Variants in GJB7 observed in about 807,000 individuals in gnomAD.
The protein encoded by GJB7 is gap junction protein beta 7.
For synonymous variants in GJB7, 87 were observed against 95.2 expected (o/e 0.91, Z 0.50); for missense variants, 253 against 256.8 (o/e 0.99, Z 0.10).
rs1776389805 is a variant in GJB7, at chr6:87,304,530, T to A, written c.-28+18336A>T. Among the ~76,000 whole-genome samples the A allele has an allele frequency of 2.6e-5, 4 of 152,176 alleles. No homozygotes were observed. In the South Asian group the frequency reaches 8.3e-4, roughly 31 times the overall value. ...ACAGGCTCTGAAATTGAGGCAATAA[T>A]TAATAGACTACCAACCAAAAAAAGT... On this transcript the variant is annotated intron_variant, in intron 2 of 2. Transcript: ENST00000525899.
intron 2 of GJB7, among the ~76,000 whole-genome samples, chr6:87,317,197 A>G (rs1244746251): frequency 8.7e-6 from 1 of 115,358 alleles, no homozygotes; most frequent in Non-Finnish European, 1.8e-5. Flanking sequence ...TCTACTAAAA[A>G]TACAAAAAAA....
intron 2 of GJB7, among the ~76,000 whole-genome samples, chr6:87,298,282 A>G (rs952762523): frequency 3.9e-5 from 6 of 152,276 alleles, no homozygotes; most frequent in African/African-American, 1.4e-4. Flanking sequence ...AAGCCAACCC[A>G]ACATTCACCT....
chr6:87,321,710 G>C (rs184467314), intron 2 of GJB7, among the ~76,000 whole-genome samples: 3 of 152,228 alleles, frequency 2.0e-5, no homozygotes, highest in African/African-American at 7.2e-5. Context: ...CTGAGGCTGG[G>C]TAACTTATAA....
At chr6:87,288,544 A>G (rs1006039345) in intron 2 of GJB7, among the ~76,000 whole-genome samples, 3 of 152,146 alleles carry the variant, frequency 2.0e-5, no homozygotes, top group Admixed American at 6.5e-5. Context: ...CCTTCTTATC[A>G]TCTCCAATAG....
intron 2 of GJB7, among the ~76,000 whole-genome samples, chr6:87,287,924 A>C (rs1387906431): frequency 1.3e-5 from 2 of 152,062 alleles, no homozygotes; most frequent in African/African-American, 2.4e-5. Flanking sequence ...TTTTTTTCAG[A>C]TGGAGTGTTG....
At chr6:87,293,116 C>G (rs1290788861) in intron 2 of GJB7, among the ~76,000 whole-genome samples, 1 of 152,238 alleles carries the variant, frequency 6.6e-6, no homozygotes, top group Non-Finnish European at 1.5e-5. Context: ...ACTGCAACCT[C>G]CCCTTCGCGG....
intron 2 of GJB7, among the ~76,000 whole-genome samples, chr6:87,308,595 C>A (rs242263): frequency 0.51 from 77,730 of 151,738 alleles, 20,500 homozygotes; most frequent in Non-Finnish European, 0.58. Flanking sequence ...AATATAAATC[C>A]TCAGAGTCCA....
chr6:87,300,694 T>C (rs1338599110), intron 2 of GJB7, among the ~76,000 whole-genome samples: 1 of 152,260 alleles, frequency 6.6e-6, no homozygotes, highest in Non-Finnish European at 1.5e-5. Context: ...TTCCTGATAT[T>C]GGGTGCAACC....
intron 1 of GJB7, among the ~76,000 whole-genome samples, chr6:87,328,697 G>C (rs1315514036): frequency 6.6e-6 from 1 of 152,216 alleles, no homozygotes. Flanking sequence ...GGATACTGCT[G>C]TCTTTTTGTT....
At chr6:87,326,757 G>A (rs1485397198) in intron 1 of GJB7, among the ~76,000 whole-genome samples, 1 of 120,652 alleles carries the variant, frequency 8.3e-6, no homozygotes, top group East Asian at 2.2e-4. Context: ...ATTTGGGGTG[G>A]AGAGTTCTGT....
chr6:87,328,826 C>T (rs1340847483), intron 1 of GJB7, among the ~76,000 whole-genome samples: 1 of 152,240 alleles, frequency 6.6e-6, no homozygotes, highest in Non-Finnish European at 1.5e-5. Context: ...CAAGCCTGGG[C>T]AATGGCGGGC....
intron 2 of GJB7, chr6:87,322,451 C>T (rs1776682709): frequency 6.6e-6 from 1 of 152,294 alleles, no homozygotes; most frequent in Admixed American, 6.5e-5. Flanking sequence ...GCGAGGTCCT[C>T]AGAACCGGAA....
At chr6:87,309,551 A>G (rs948718567) in intron 2 of GJB7, among the ~76,000 whole-genome samples, 4 of 152,326 alleles carry the variant, frequency 2.6e-5, no homozygotes, top group East Asian at 1.9e-4. Flanking sequence ...GTGAGCAGGT[A>G]TATGCAACCT....
intron 1 of GJB7, among the ~76,000 whole-genome samples, chr6:87,325,476 AG>A (rs1776794001): frequency 3.8e-5 from 4 of 106,568 alleles, no homozygotes; most frequent in African/African-American, 1.2e-4. Context: ...TTTAGCATGA[AG>A]GGTTATTGAA....
chr6:87,306,840 C>T (rs1418160878), intron 2 of GJB7, among the ~76,000 whole-genome samples: 1 of 152,138 alleles, frequency 6.6e-6, no homozygotes, highest in Admixed American at 6.5e-5. Context: ...GAATATTATG[C>T]AGCCATAAAA....
At chr6:87,308,868 A>G (rs1298136640) in intron 2 of GJB7, among the ~76,000 whole-genome samples, 5 of 152,224 alleles carry the variant, frequency 3.3e-5, no homozygotes, top group Admixed American at 2.0e-4. Context: ...TTCCAGAAAA[A>G]CAATGTAATG....
Position 87,284,599 on chromosome 6 carries a change from T to C in GJB7, c.314A>G (p.His105Arg). Reference sequence around the variant, plus strand: ...TGGGCTGACATAGAGTTTCTTTCTGTGCCTTTTCTCTCTACCCTCATGATA... The same window carrying C: ...TGGGCTGACATAGAGTTTCTTTCTGCGCCTTTTCTCTCTACCCTCATGATA... ...VAYHEGREKR[H>R]RKKLYVSPGT... Residue 105 changes from histidine (H) to arginine (R), a missense_variant, in exon 3 of 3, where the codon CAC becomes CGC. Transcript: ENST00000525899. The C allele has an allele frequency of 6.2e-7, 1 of 1,614,176 alleles. No individual in the cohort carries two copies. Among genetic ancestry groups the C allele is most frequent in the South Asian group, 1.1e-5 (1 of 91,076 alleles).
At chr6:87,315,638 CA>C (rs1259156029) in intron 2 of GJB7, among the ~76,000 whole-genome samples, 1 of 150,876 alleles carries the variant, frequency 6.6e-6, no homozygotes, top group East Asian at 1.9e-4. Context: ...CTAAACATAC[CA>C]AAAAAAATTA....
intron 2 of GJB7, among the ~76,000 whole-genome samples, chr6:87,301,395 C>T (rs1432220816): frequency 6.6e-6 from 1 of 152,204 alleles, no homozygotes; most frequent in Non-Finnish European, 1.5e-5. Flanking sequence ...CTGCACATGG[C>T]TCAGAGAGTC....
Sources: gnomAD v4.1 joint callset for allele counts (sites outside exome capture counted in the v4.1 genomes callset) on GRCh38, gnomAD v4.1.1 for gene constraint, MANE v1.5 for transcripts, NCBI Gene and HGNC (gene_info 2026-07-23, HGNC 2026-07-21) for gene names.